The following CLASP1 variants were observed in gnomAD, a reference collection of about 807,000 sequenced individuals.
CLASP1 encodes CLIP-associating protein 1.
A neutral mutation model predicts 192.3 loss-of-function variants in CLASP1; 38 were observed. That is an observed-to-expected ratio of 0.20 (90% CI 0.15 to 0.26). The LOEUF is 0.26. Among genes scored for constraint, CLASP1 ranks in the 10% least tolerant of loss-of-function variants. CLASP1 has a pLI of 1.00. For synonymous variants in CLASP1, 691 were observed against 712.8 expected (o/e 0.97, Z 0.49); for missense variants, 1,433 against 1,932.5 (o/e 0.74, Z 4.85).
intron 8 of CLASP1, among the ~76,000 whole-genome samples, chr2:121,473,788 G>C (rs955625814): frequency 6.6e-6 from 1 of 152,130 alleles, no homozygotes; most frequent in African/African-American, 2.4e-5. Flanking sequence ...CTGCCAGCCA[G>C]AACACAATGG....
chr2:121,603,905 G>A (rs1046496578), intron 2 of CLASP1, among the ~76,000 whole-genome samples: 4 of 152,216 alleles, frequency 2.6e-5, no homozygotes, highest in Non-Finnish European at 4.4e-5. Context: ...GACGATAGCA[G>A]AGGCTGGGAA....
intron 2 of CLASP1, among the ~76,000 whole-genome samples, chr2:121,585,619 G>A (rs2061632684): frequency 6.6e-6 from 1 of 152,138 alleles, no homozygotes; most frequent in Non-Finnish European, 1.5e-5. Context: ...TAAGTCTTTT[G>A]GCCAGGCATG....
chr2:121,404,233 A>G, intron 26 of CLASP1, 138 bp downstream of exon 27: 1 of 1,416,696 alleles, frequency 7.1e-7, no homozygotes. Flanking sequence ...TGTAACATAC[A>G]CTAGTGCTGA....
intron 6 of CLASP1, 122 bp from the exon 7 acceptor site, chr2:121,515,884 C>T: frequency 1.4e-6 from 1 of 725,216 alleles, no homozygotes; most frequent in Non-Finnish European, 2.4e-6. Context: ...ACTGTGAATA[C>T]AATCCTTATA....
At chr2:121,419,770 T>C (rs17775105) in intron 22 of CLASP1, among the ~76,000 whole-genome samples, 175 of 152,274 alleles carry the variant, frequency 1.1e-3, no homozygotes, top group Admixed American at 2.0e-3. Context: ...ACTGAATACA[T>C]GTAGGTGGAA....
rs1358217148 is a variant in CLASP1 at position 121,347,097 on chromosome 2, T to C, written c.4471A>G (p.Ile1491Val). Residue 1491 changes from isoleucine (I) to valine (V), a missense_variant, in exon 39 of 40, where the codon ATT (isoleucine) becomes GTT (valine). Around this residue, in one of 8 missense-constraint regions of CLASP1, gnomAD observed 148 missense variants for 247.5 expected, o/e 0.60. Transcript: ENST00000263710. ...AGGTCTTCTCCGATTACGGAATAAA[T>C]TGCCACTAAGCAAAACACGCTGGCC... is the stretch of plus-strand genomic sequence containing the variant. The C allele has an allele frequency of 8.2e-6, 13 of 1,588,162 alleles. No homozygotes were observed. In the Admixed American group the frequency reaches 8.8e-5, roughly 11 times the overall value.
intron 14 of CLASP1, among the ~76,000 whole-genome samples, chr2:121,456,030 C>G (rs1234478735): frequency 1.3e-5 from 2 of 152,068 alleles, no homozygotes; most frequent in African/African-American, 4.8e-5. Flanking sequence ...TTAGTAACAA[C>G]ATATTATATA....
At chr2:121,463,662 T>G (rs2088656549) in intron 9 of CLASP1, among the ~76,000 whole-genome samples, 1 of 152,038 alleles carries the variant, frequency 6.6e-6, no homozygotes, top group Non-Finnish European at 1.5e-5. Flanking sequence ...AGCTATCTGA[T>G]GAGGAGGAGC....
intron 1 of CLASP1, among the ~76,000 whole-genome samples, chr2:121,633,565 T>C (rs1203133558): frequency 6.6e-6 from 1 of 152,178 alleles, no homozygotes; most frequent in African/African-American, 2.4e-5. Flanking sequence ...AAACAGCCTT[T>C]TTCTCTCAGC....
At chr2:121,356,450 G>A (rs1313475998) in intron 37 of CLASP1, among the ~76,000 whole-genome samples, 1 of 152,216 alleles carries the variant, frequency 6.6e-6, no homozygotes, top group African/African-American at 2.4e-5. Context: ...AGTACCAGAG[G>A]GAGGGGAGAA....
intron 8 of CLASP1, among the ~76,000 whole-genome samples, chr2:121,483,797 G>C (rs1249556916): frequency 6.6e-6 from 1 of 152,080 alleles, no homozygotes; most frequent in Non-Finnish European, 1.5e-5. Context: ...TAGCAATCTA[G>C]AGTTCTCATT....
chr2:121,444,042 A>G (rs552148861), intron 19 of CLASP1, among the ~76,000 whole-genome samples: 1 of 152,316 alleles, frequency 6.6e-6, no homozygotes, highest in East Asian at 1.9e-4. Context: ...TTAAGCCTCT[A>G]TTTAGGCAGA....
intron 22 of CLASP1, among the ~76,000 whole-genome samples, chr2:121,420,837 A>G (rs1227376267): frequency 3.3e-5 from 5 of 152,150 alleles, no homozygotes; most frequent in African/African-American, 9.7e-5. Context: ...AACAACGGGG[A>G]AAAAAATGCT....
rs1321386115 is a variant in CLASP1 at position 121,525,834 on chromosome 2, T to C, written c.546+11A>G. The C allele has an allele frequency of 1.9e-6, 3 of 1,604,610 alleles. No individual in the cohort carries two copies. Among genetic ancestry groups the C allele is most frequent in the Non-Finnish European group, 2.6e-6 (3 of 1,172,106 alleles). ...CAATGACTTCTCCCGAGGGTTTTCCTTCTCACTCACCTGGCTGTTTGGATC... is the reference window on the plus strand; with the variant it reads ...CAATGACTTCTCCCGAGGGTTTTCCCTCTCACTCACCTGGCTGTTTGGATC... On this transcript the variant is annotated intron_variant, in intron 6 of 39. Coordinates refer to ENST00000263710, the Ensembl canonical transcript of CLASP1.
Position 121,577,222 on chromosome 2 carries a change from T to A in CLASP1, c.195+28479A>T, listed in dbSNP as rs577945236. 2.6e-4 allele frequency among the ~76,000 whole-genome samples: 37 copies of A among 141,752 alleles called. 1 individual carries two copies. In the South Asian group the frequency reaches 4.5e-3, roughly 17 times the overall value. 93.0% of individuals were successfully genotyped at this position (141,752 alleles called of 152,430 possible). Reference sequence around the variant, plus strand: ...CATTTTCTTTACTCTTACGTATCTTTAAAAAAAAAAAAAATCCATGACAAA... The same window carrying A: ...CATTTTCTTTACTCTTACGTATCTTAAAAAAAAAAAAAAATCCATGACAAA... On this transcript the variant is annotated intron_variant, in intron 2 of 39. Coordinates refer to ENST00000263710, the Ensembl canonical transcript of CLASP1.
In CLASP1 at chr2:121,418,990, A is replaced by G. The variant is rs901142141; in HGVS notation, c.2213-261T>C. ...CGAAGGTGAAATTACACCTAAATGTAAGAAGTGAAAAGAAATCTTTCTGAA... is the reference window on the plus strand; with the variant it reads ...CGAAGGTGAAATTACACCTAAATGTGAGAAGTGAAAAGAAATCTTTCTGAA... On this transcript the variant is annotated intron_variant, in intron 22 of 39. Transcript: ENST00000263710. Among the ~76,000 whole-genome samples the G allele has an allele frequency of 2.6e-5, 4 of 152,180 alleles. No individual in the cohort carries two copies. In the East Asian group the frequency reaches 7.7e-4, roughly 29 times the overall value.
At chr2:121,352,634 T>C (rs932716374) in intron 37 of CLASP1, among the ~76,000 whole-genome samples, 1 of 152,206 alleles carries the variant, frequency 6.6e-6, no homozygotes, top group Non-Finnish European at 1.5e-5. Flanking sequence ...CATTTTTTAA[T>C]AAAAACTCCT....
intron 2 of CLASP1, among the ~76,000 whole-genome samples, chr2:121,546,735 T>C (rs967289739): frequency 1.3e-5 from 2 of 152,134 alleles, no homozygotes; most frequent in Non-Finnish European, 2.9e-5. Context: ...ATACCCAGGC[T>C]TTCTGGGCTT....
At chr2:121,439,876 C>T (rs35455806) in intron 19 of CLASP1, among the ~76,000 whole-genome samples, 34,914 of 140,270 alleles carry the variant, frequency 0.25, 6,792 homozygotes, top group African/African-American at 0.55. Context: ...TAGGTGGGAA[C>T]TGAACAATGA....
Sources: allele counts gnomAD v4.1 joint callset (sites outside exome capture counted in the v4.1 genomes callset), GRCh38; gene constraint gnomAD v4.1.1; regional missense constraint gnomAD v4.1.1; transcripts MANE v1.5; gene names NCBI Gene and HGNC (gene_info 2026-07-23, HGNC 2026-07-21).